DLG2: variants seen among roughly 807,000 people sequenced by gnomAD.
DLG2 encodes discs large MAGUK scaffold protein 2.
In DLG2, 45 loss-of-function variants were observed where a neutral mutation model predicts 132.5. That is an observed-to-expected ratio of 0.34 (90% CI 0.27 to 0.44). The LOEUF (loss-of-function observed/expected upper bound fraction) is 0.44, where lower values mean the gene tolerates loss of function less well. DLG2 is among the 20% of genes least tolerant of loss of function. DLG2 has a pLI of 1.00. For missense variants in DLG2, 1,045 were observed against 1,196.9 expected, an observed-to-expected ratio of 0.87 and a Z score of 1.87; for synonymous variants, 424 against 419.6, an observed-to-expected ratio of 1.01 and a Z score of -0.13.
chr11:84,117,301 C>A lies in DLG2; in HGVS notation c.625-18254G>T, dbSNP rs141912995. Reference sequence around the variant, plus strand: ...TTTTAGCCTAACCCTCTGGTTGTCTCTGATCTATCCTAGTCATTCCGAAAA... The same window carrying A: ...TTTTAGCCTAACCCTCTGGTTGTCTATGATCTATCCTAGTCATTCCGAAAA... On this transcript the variant is annotated intron_variant, in intron 9 of 27. Transcript: ENST00000376104. 5.9e-5 allele frequency among the ~76,000 whole-genome samples: 9 copies of A among 152,310 alleles called. No homozygotes were observed. The East Asian group carries it at 1.7e-3, about 29-fold the overall frequency.
At chr11:84,592,144 C>T (rs139158970) in intron 6 of DLG2, among the ~76,000 whole-genome samples, 83 of 152,266 alleles carry the variant, frequency 5.5e-4, no homozygotes, top group African/African-American at 1.9e-3. Context: ...GAGTGAACCA[C>T]GGCACCCAGC....
chr11:85,315,972 A>G (rs995678011), intron 3 of DLG2, among the ~76,000 whole-genome samples: 3 of 152,004 alleles, frequency 2.0e-5, no homozygotes, highest in Admixed American at 2.0e-4. Context: ...TTATCTGCCA[A>G]TGCCCAGCTG....
chr11:83,602,647 T>G (rs536451441), intron 19 of DLG2, among the ~76,000 whole-genome samples: 3 of 152,208 alleles, frequency 2.0e-5, no homozygotes, highest in Admixed American at 6.5e-5. Context: ...GTCTTAGAAC[T>G]GGACAAAATT....
At chr11:83,770,265 G>GTTTTTTTTTTTTTTT (rs71066064) in intron 18 of DLG2, among the ~76,000 whole-genome samples, 5 of 128,784 alleles carry the variant, frequency 3.9e-5, no homozygotes, top group South Asian at 2.6e-4. Flanking sequence ...GTTTTTTTTT[G>GTTTTTTTTTTTTTTT]TTTTTTTGCT....
chr11:84,365,353 G>A, intron 7 of DLG2, among the ~76,000 whole-genome samples: 2 of 151,952 alleles, frequency 1.3e-5, no homozygotes, highest in African/African-American at 2.4e-5. Context: ...GGGATCGGTG[G>A]TGATATCCCC....
intron 4 of DLG2, among the ~76,000 whole-genome samples, chr11:85,179,272 A>C (rs779266183): frequency 1.3e-5 from 2 of 151,900 alleles, no homozygotes; most frequent in Non-Finnish European, 2.9e-5. Context: ...ACAAATATTA[A>C]GATAATTTAA....
intron 3 of DLG2, among the ~76,000 whole-genome samples, chr11:85,537,775 A>G (rs1466275860): frequency 6.6e-6 from 1 of 151,942 alleles, no homozygotes; most frequent in African/African-American, 2.4e-5. Flanking sequence ...AACTCTGGAC[A>G]CATCTGAACA....
At chr11:85,142,811 G>A (rs2076585534) in intron 5 of DLG2, among the ~76,000 whole-genome samples, 1 of 151,660 alleles carries the variant, frequency 6.6e-6, no homozygotes, top group African/African-American at 2.4e-5. Context: ...AGCATCAAAT[G>A]AAATATGGTT....
chr11:84,485,332 T>C (rs1485611814), intron 7 of DLG2, among the ~76,000 whole-genome samples: 1 of 152,118 alleles, frequency 6.6e-6, no homozygotes, highest in African/African-American at 2.4e-5. Context: ...ATAACATAAT[T>C]CCTACAGAGC....
intron 6 of DLG2, among the ~76,000 whole-genome samples, chr11:84,765,600 G>C (rs1320947084): frequency 6.6e-6 from 1 of 151,958 alleles, no homozygotes; most frequent in Non-Finnish European, 1.5e-5. Context: ...ACATACTTGA[G>C]CCAGAACAGA....
intron 6 of DLG2, among the ~76,000 whole-genome samples, chr11:84,660,356 C>G (rs1369852088): frequency 2.0e-5 from 3 of 152,120 alleles, no homozygotes; most frequent in Non-Finnish European, 1.5e-5. Context: ...TTGACATTGA[C>G]AATTCCGATA....
intron 3 of DLG2, among the ~76,000 whole-genome samples, chr11:85,493,014 AAAG>A (rs1448396527): frequency 1.3e-5 from 2 of 152,204 alleles, no homozygotes; most frequent in Non-Finnish European, 2.9e-5. Context: ...TATAAAAAAA[AAAG>A]AGCTTTATTT....
At chr11:85,534,681 C>A (rs539388663) in intron 3 of DLG2, among the ~76,000 whole-genome samples, 1 of 152,308 alleles carries the variant, frequency 6.6e-6, no homozygotes, top group African/African-American at 2.4e-5. Context: ...ATGATTATAG[C>A]TGAATATCAG....
intron 6 of DLG2, among the ~76,000 whole-genome samples, chr11:84,622,272 A>G (rs958904049): frequency 7.9e-5 from 12 of 152,296 alleles, no homozygotes; most frequent in Middle Eastern, 3.4e-3. Context: ...CATAACTATC[A>G]GAGATAAATT....
At chr11:85,163,887 T>C (rs1014662162) in intron 4 of DLG2, among the ~76,000 whole-genome samples, 1 of 152,160 alleles carries the variant, frequency 6.6e-6, no homozygotes, top group African/African-American at 2.4e-5. Flanking sequence ...GCAGCTTAAC[T>C]GGAGAGACAT....
chr11:84,276,862 T>A (rs10792751), intron 7 of DLG2, among the ~76,000 whole-genome samples: 1 of 152,000 alleles, frequency 6.6e-6, no homozygotes, highest in Non-Finnish European at 1.5e-5. Context: ...TGGATTTGCA[T>A]TCCCACCTAA....
chr11:84,068,736 G>A (rs1010763853), intron 10 of DLG2, among the ~76,000 whole-genome samples: 4 of 152,028 alleles, frequency 2.6e-5, no homozygotes, highest in South Asian at 2.1e-4. Flanking sequence ...TGTTTTATTC[G>A]AATAGCATTA....
intron 7 of DLG2, among the ~76,000 whole-genome samples, chr11:84,362,992 CAGCATGATTTAT>C (rs1378690978): frequency 2.0e-4 from 31 of 151,714 alleles, no homozygotes; most frequent in African/African-American, 7.3e-4. Flanking sequence ...GTCTTTATAG[CAGCATGATTTAT>C]AGTCCTTTGG....
intron 6 of DLG2, among the ~76,000 whole-genome samples, chr11:84,844,490 G>C (rs967100899): frequency 6.6e-6 from 1 of 151,742 alleles, no homozygotes; most frequent in Non-Finnish European, 1.5e-5. Context: ...TATTCTCTCT[G>C]GATCATTTCT....
Sources: allele counts gnomAD v4.1 joint callset (sites outside exome capture counted in the v4.1 genomes callset), GRCh38; gene constraint gnomAD v4.1.1; transcripts MANE v1.5; gene names NCBI Gene and HGNC (gene_info 2026-07-23, HGNC 2026-07-21).